Variants in CLYBL observed in about 807,000 individuals in gnomAD.
The protein encoded by CLYBL is citramalyl-CoA lyase.
In CLYBL, 31 loss-of-function variants were observed where a neutral mutation model predicts 38.9. That is an observed-to-expected ratio of 0.80 (90% CI 0.60 to 1.08). The LOEUF is 1.08. CLYBL is among the 50% of genes least tolerant of loss of function. CLYBL has a pLI of 0.00. For missense variants in CLYBL, 434 were observed against 411.6 expected (o/e 1.05, Z -0.47); for synonymous variants, 171 against 158.6 (o/e 1.08, Z -0.59).
At chr13:99,671,527 C>G (rs915848035) in intron 1 of CLYBL, among the ~76,000 whole-genome samples, 3 of 152,070 alleles carry the variant, frequency 2.0e-5, no homozygotes, top group African/African-American at 7.2e-5. Context: ...CACCTGTAAC[C>G]CCAGCACTTT....
At chr13:99,779,313 T>C (rs1024147412) in intron 2 of CLYBL, among the ~76,000 whole-genome samples, 2 of 152,138 alleles carry the variant, frequency 1.3e-5, no homozygotes, top group Non-Finnish European at 2.9e-5. Flanking sequence ...CAGTTAATTT[T>C]TGTATTTTTA....
chr13:99,864,903 C>T lies in CLYBL; in HGVS notation c.626C>T (p.Ala209Val), dbSNP rs1194219997. 6.2e-7 allele frequency: 1 copy of T among 1,608,800 alleles called. No homozygotes were observed. Among genetic ancestry groups the T allele is most frequent in the South Asian group, 1.1e-5 (1 of 90,936 alleles). The change falls in exon 5 of 9, where the codon GCC becomes GTC. Residue 209 changes from alanine (A) to valine (V), a missense_variant. Physicochemically the swap from Ala to Val is moderately conservative, Grantham distance 64. Transcript: ENST00000339105. ...GTTTTTGGAGGAGAAGACTTTCGAG[C>T]CAGCATAGGTGTCAAAGACATCTCT... Reference protein sequence around the residue: ...AVVFGGEDFRASIGATSSKET... With the variant: ...AVVFGGEDFRVSIGATSSKET...
rs2051841302 is a variant in CLYBL, at chr13:99,869,911, A to G, written c.803-1027A>G. On this transcript the variant is annotated intron_variant, in intron 6 of 8. Transcript: ENST00000339105. This position sits in a 1 kb window ranked among gnomAD's most constrained non-coding sequence, Gnocchi z 4.3. ...CATAACTTTATCACGTAACAATATA[A>G]TCTCATCATTATTATAACATTAAAT... Among the ~76,000 whole-genome samples, 1 of 152,094 alleles carries G rather than the reference A, an allele frequency of 6.6e-6. No individual in the cohort carries two copies. Among genetic ancestry groups the G allele is most frequent in the South Asian group, 2.1e-4 (1 of 4,830 alleles).
At chr13:99,713,098 C>T (rs1427707903) in intron 1 of CLYBL, among the ~76,000 whole-genome samples, 1 of 152,078 alleles carries the variant, frequency 6.6e-6, no homozygotes, top group African/African-American at 2.4e-5. Context: ...GCTGCCATTG[C>T]TTTAAAATGG....
chr13:99,648,798 T>A (rs118120346), intron 1 of CLYBL, among the ~76,000 whole-genome samples: 5,445 of 152,076 alleles, frequency 0.036, 127 homozygotes, highest in Non-Finnish European at 0.053. Context: ...GTATTTTTTT[T>A]ATCTACACAT....
At chr13:99,660,383 G>A (rs1029743690) in intron 1 of CLYBL, among the ~76,000 whole-genome samples, 5 of 152,186 alleles carry the variant, frequency 3.3e-5, no homozygotes, top group African/African-American at 4.8e-5. Flanking sequence ...TGTGGTGATT[G>A]ATGCTTTCAT....
intron 1 of CLYBL, among the ~76,000 whole-genome samples, chr13:99,637,126 C>T (rs1006551139): frequency 3.3e-5 from 5 of 152,180 alleles, no homozygotes; most frequent in African/African-American, 4.8e-5. Flanking sequence ...GTGATCTGCC[C>T]GCCTCCCAAA....
downstream of CLYBL, chr13:99,894,387 C>T (rs1331100562): frequency 2.0e-5 from 3 of 152,254 alleles, no homozygotes; most frequent in African/African-American, 7.2e-5. Flanking sequence ...AGAAACCATA[C>T]CTGTTTATGT....
chr13:99,622,686 C>T (rs576613902), intron 1 of CLYBL, among the ~76,000 whole-genome samples: 15 of 152,308 alleles, frequency 9.8e-5, no homozygotes, highest in Non-Finnish European at 1.3e-4. Flanking sequence ...ATCCATTGAG[C>T]GGCCATTCCC....
chr13:99,748,330 A>G (rs564741299), intron 1 of CLYBL, among the ~76,000 whole-genome samples: 1 of 151,464 alleles, frequency 6.6e-6, no homozygotes, highest in African/African-American at 2.4e-5. Flanking sequence ...CAGTGAGCCA[A>G]GATTGTGCCA....
intron 2 of CLYBL, among the ~76,000 whole-genome samples, chr13:99,777,682 G>C (rs985430473): frequency 2.0e-5 from 3 of 151,726 alleles, no homozygotes; most frequent in Non-Finnish European, 4.4e-5. Flanking sequence ...TAGTAGAGAC[G>C]GGGTTTCATC....
At chr13:99,788,635 C>T (rs1359807110) in intron 2 of CLYBL, among the ~76,000 whole-genome samples, 1 of 152,140 alleles carries the variant, frequency 6.6e-6, no homozygotes, top group Non-Finnish European at 1.5e-5. Flanking sequence ...CACTGATGTT[C>T]ATCAGGGATT....
intron 2 of CLYBL, among the ~76,000 whole-genome samples, chr13:99,801,467 A>G (rs1055162551): frequency 2.0e-5 from 3 of 151,892 alleles, no homozygotes; most frequent in Admixed American, 6.6e-5. Flanking sequence ...TGAATGTGAC[A>G]TCTGATAATT....
At chr13:99,713,424 C>T (rs1415538119) in intron 1 of CLYBL, among the ~76,000 whole-genome samples, 3 of 149,980 alleles carry the variant, frequency 2.0e-5, no homozygotes, top group African/African-American at 7.4e-5. Context: ...ACTGCAACCT[C>T]CGCCTCCCAG....
chr13:99,798,963 C>T (rs980967040), intron 2 of CLYBL, among the ~76,000 whole-genome samples: 3 of 152,170 alleles, frequency 2.0e-5, no homozygotes, highest in African/African-American at 7.2e-5. Context: ...GGAAGGGACT[C>T]TTCGTGGATT....
intron 1 of CLYBL, among the ~76,000 whole-genome samples, chr13:99,635,850 T>C (rs2047011013): frequency 6.6e-6 from 1 of 152,204 alleles, no homozygotes. Context: ...TACTACTGCT[T>C]ACTTTGCTGA....
intron 7 of CLYBL, among the ~76,000 whole-genome samples, chr13:99,891,068 G>C (rs2052475985): frequency 6.6e-6 from 1 of 152,052 alleles, no homozygotes; most frequent in African/African-American, 2.4e-5. Context: ...TAACTGAACA[G>C]TTTGCTGTCT....
chr13:99,715,986 T>A (rs2048305535), intron 1 of CLYBL, among the ~76,000 whole-genome samples: 2 of 152,110 alleles, frequency 1.3e-5, no homozygotes, highest in Admixed American at 1.3e-4. Flanking sequence ...CTAATAATAA[T>A]CTGCCATGTT....
At chr13:99,709,391 A>C (rs2048193456) in intron 1 of CLYBL, among the ~76,000 whole-genome samples, 1 of 152,206 alleles carries the variant, frequency 6.6e-6, no homozygotes, top group South Asian at 2.1e-4. Flanking sequence ...GGCCGAAGAC[A>C]CAGCTGGCAG....
Sources: gnomAD v4.1 joint callset for allele counts (sites outside exome capture counted in the v4.1 genomes callset) on GRCh38, gnomAD v4.1.1 for gene constraint, Gnocchi (gnomAD v3.1) non-coding constraint, MANE v1.5 for transcripts, NCBI Gene and HGNC (gene_info 2026-07-23, HGNC 2026-07-21) for gene names.